Variants in STAM2 observed in about 807,000 individuals in gnomAD.
STAM2 encodes the protein signal transducing adaptor molecule 2, also known as signal transducing adapter molecule 2.
STAM2 carries 51 observed loss-of-function variants against 65.6 expected under a neutral mutation model. The observed-to-expected ratio is 0.78, with a 90% confidence interval of 0.62 to 0.98. STAM2 has a LOEUF of 0.98. Ranked by LOEUF, STAM2 falls within the 50% of genes least tolerant of loss-of-function variation. The probability of loss-of-function intolerance (pLI) is 0.00; values close to 1 mark genes in which losing one functional copy is unlikely to be tolerated. For synonymous variants in STAM2, 198 were observed against 208.4 expected, an observed-to-expected ratio of 0.95 and a Z score of 0.43; for missense variants, 584 against 617.8, an observed-to-expected ratio of 0.95 and a Z score of 0.58.
intron 1 of STAM2, among the ~76,000 whole-genome samples, chr2:152,155,199 A>C (rs1219688261): frequency 6.6e-6 from 1 of 152,192 alleles, no homozygotes; most frequent in East Asian, 1.9e-4. Context: ...GTGCTCCATA[A>C]ATATTTGTTT....
rs149621203 is a variant in STAM2, at chr2:152,167,459, G to T, written c.40+8144C>A. On this transcript the variant is annotated intron_variant, in intron 1 of 13. Transcript: ENST00000263904. ...TGAAACTTAATCCTAAAAAACAAAG[G>T]ATGAGGGAAAAGAATGTTTCAACAA... Among the ~76,000 whole-genome samples, 1,185 of 152,316 alleles carry T rather than the reference G, an allele frequency of 7.8e-3. 14 individuals carry two copies. Among genetic ancestry groups the T allele is most frequent in the African/African-American group, 0.026 (1,088 of 41,554 alleles).
At chr2:152,134,002 G>A (rs1052988653) in intron 8 of STAM2, among the ~76,000 whole-genome samples, 1 of 151,634 alleles carries the variant, frequency 6.6e-6, no homozygotes, top group South Asian at 2.1e-4. Flanking sequence ...AGCTAACTTC[G>A]ATAATAGTTA....
At position 152,126,259 on chromosome 2, in the gene STAM2, A is replaced by AT. The variant is rs774563010; in HGVS notation, c.1145dup (p.His382GlnfsTer38). On this transcript the variant is annotated frameshift_variant, in exon 12 of 14. Coordinates refer to ENST00000263904, the MANE Select transcript of STAM2 (RefSeq NM_005843.6). LOFTEE classifies it high-confidence loss of function. Reference sequence around the variant, plus strand: ...GAACCCCAGATGATGCAGGTGGGTAATGTGCTGGAGGGTGGAGCTTTGAAT... The same window carrying AT: ...GAACCCCAGATGATGCAGGTGGGTAATTGTGCTGGAGGGTGGAGCTTTGAAT... 6.8e-6 allele frequency: 11 copies of AT among 1,607,294 alleles called. No homozygotes were observed. The highest frequency in any genetic ancestry group is 9.3e-6 in the Non-Finnish European group (11 of 1,176,880).
At chr2:152,143,771 G>T in intron 7 of STAM2, 56 bp downstream of exon 7, 1 of 1,358,766 alleles carries the variant, frequency 7.4e-7, no homozygotes, top group Non-Finnish European at 1.0e-6. Context: ...GAATACTCTG[G>T]ATTCTAAATT....
chr2:152,135,185 T>C (rs1023509183), intron 8 of STAM2, among the ~76,000 whole-genome samples: 2 of 152,210 alleles, frequency 1.3e-5, no homozygotes, highest in South Asian at 4.1e-4. Context: ...ACACTCTTTG[T>C]ACAGAATAGA....
intron 10 of STAM2, among the ~76,000 whole-genome samples, chr2:152,132,530 G>A (rs746065820): frequency 2.6e-4 from 40 of 152,094 alleles, no homozygotes; most frequent in Admixed American, 3.9e-4. Flanking sequence ...CATCAGATAT[G>A]AAGATTTTTC....
chr2:152,147,853 A>C (rs1225714654), intron 4 of STAM2, among the ~76,000 whole-genome samples, 171 bp downstream of exon 4: 1 of 152,190 alleles, frequency 6.6e-6, no homozygotes, highest in Non-Finnish European at 1.5e-5. Context: ...TTTGGGGAGA[A>C]TAGTTTTTGG....
intron 7 of STAM2, among the ~76,000 whole-genome samples, chr2:152,140,342 A>T (rs1189901822): frequency 6.6e-6 from 1 of 152,238 alleles, no homozygotes; most frequent in Non-Finnish European, 1.5e-5. Context: ...AACAAACAAA[A>T]AACTCTGCAC....
intron 2 of STAM2, 81 bp downstream of exon 2, chr2:152,150,064 T>G (rs1689413326): frequency 2.1e-6 from 2 of 942,208 alleles, no homozygotes; most frequent in Non-Finnish European, 3.4e-6. Flanking sequence ...AAGTCTCATT[T>G]TCCTCTCAAA....
rs2105549009 is a variant in STAM2 at position 152,148,007 on chromosome 2, C to T, written c.300+17G>A. On this transcript the variant is annotated intron_variant, in intron 4 of 13. Coordinates refer to ENST00000263904, the MANE Select transcript of STAM2 (RefSeq NM_005843.6). The stretch of plus-strand genomic sequence containing the variant: ...ATTTTTTTAATGACTTAAAGTTCTT[C>T]TGTTTTTAAAATTTACCTTATTTTT... 1.9e-6 allele frequency: 3 copies of T among 1,574,726 alleles called. No homozygotes were observed. The highest frequency in any genetic ancestry group is 8.7e-7 in the Non-Finnish European group (1 of 1,153,458).
chr2:152,163,516 A>G (rs1689722576), intron 1 of STAM2, among the ~76,000 whole-genome samples: 1 of 152,190 alleles, frequency 6.6e-6, no homozygotes, highest in African/African-American at 2.4e-5. Flanking sequence ...CGTGTGTTTG[A>G]ACAATATGAA....
intron 1 of STAM2, among the ~76,000 whole-genome samples, chr2:152,159,129 A>ATATATATATACAC (rs1212067676): frequency 1.4e-5 from 2 of 144,680 alleles, no homozygotes; most frequent in Non-Finnish European, 1.5e-5. Flanking sequence ...AGATATATAT[A>ATATATATATACAC]ATTTTTTTTC....
In STAM2 at chr2:152,132,168, T is replaced by C. The variant is rs1489047394; in HGVS notation, c.971A>G (p.Asp324Gly). The C allele has an allele frequency of 6.2e-7, 1 of 1,606,884 alleles. No homozygotes were observed. The highest frequency in any genetic ancestry group is 8.5e-7 in the Non-Finnish European group (1 of 1,176,126). ...PDSQDLLDLE[D>G]ICQQMGPMID... ...CATTGGACCCATCTGTTGGCAGATA[T>C]CTGTAAATACAAAAATACTTACAAA... The change falls in exon 11 of 14, where the codon GAT becomes GGT. Residue 324 changes from aspartate to glycine, a missense_variant and splice_region_variant. Transcript: ENST00000263904.
rs1237739116 is a variant in STAM2, at chr2:152,118,565, T to A, written c.*2009A>T. 1 of 151,526 alleles carries A rather than the reference T, an allele frequency of 6.6e-6. No individual in the cohort carries two copies. The highest frequency in any genetic ancestry group is 1.5e-5 in the Non-Finnish European group (1 of 67,832). 9.4% of individuals were successfully genotyped at this position (151,526 alleles called of 1,614,324 possible). ...GGCTCAAAGACATGCTGAATTAAAC[T>A]TTTATAATTGAGATCACAATTATAC... On this transcript the variant is annotated 3_prime_UTR_variant, in exon 14 of 14. Transcript: ENST00000263904.
chr2:152,165,303 C>A (rs1462482657), intron 1 of STAM2, among the ~76,000 whole-genome samples: 2 of 151,960 alleles, frequency 1.3e-5, no homozygotes, highest in Non-Finnish European at 2.9e-5. Flanking sequence ...TGGTGGCATG[C>A]ACCTGTAGTC....
In STAM2 at chr2:152,124,149, T is replaced by C; in HGVS notation, c.1180-214A>G. The stretch of plus-strand genomic sequence containing the variant: ...TTTGATTTGTTTGGCTGTTCTTTTA[T>C]TTTTACAGAGAGCTGGGAGAAAGAC... On this transcript the variant is annotated intron_variant, in intron 12 of 13. Transcript: ENST00000263904. 7.8e-6 allele frequency: 4 copies of C among 513,196 alleles called. No individual in the cohort carries two copies. The East Asian group carries it at 9.9e-5, about 13-fold the overall frequency. The allele number at this position is 513,196 out of a possible 1,614,324, so 31.8% of individuals were successfully genotyped here.
At chr2:152,163,287 T>C (rs1689718522) in intron 1 of STAM2, among the ~76,000 whole-genome samples, 1 of 152,256 alleles carries the variant, frequency 6.6e-6, no homozygotes, top group African/African-American at 2.4e-5. Flanking sequence ...TGACTGTCTT[T>C]ACTGCAATCT....
intron 1 of STAM2, among the ~76,000 whole-genome samples, chr2:152,174,010 A>C (rs1426848467): frequency 6.6e-6 from 1 of 152,098 alleles, no homozygotes; most frequent in African/African-American, 2.4e-5. Flanking sequence ...TTTTAATCTC[A>C]ACAGCAGTGC....
At chr2:152,133,309 A>G in intron 9 of STAM2, 49 bp from the exon 10 acceptor site, 1 of 1,547,398 alleles carries the variant, frequency 6.5e-7, no homozygotes. Flanking sequence ...TTTTAACTTC[A>G]GTAAATATGA....
Sources: allele counts gnomAD v4.1 joint callset (sites outside exome capture counted in the v4.1 genomes callset), GRCh38; gene constraint gnomAD v4.1.1; transcripts MANE v1.5; gene names NCBI Gene and HGNC (gene_info 2026-07-23, HGNC 2026-07-21).